The following RERE variants were observed in gnomAD, a reference collection of about 807,000 sequenced individuals.
The protein encoded by RERE is arginine-glutamic acid dipeptide repeats.
RERE carries 40 observed loss-of-function variants against 146.1 expected under a neutral mutation model. The ratio of observed to expected loss-of-function variants is 0.27; its 90% CI spans 0.21 to 0.36. RERE has a LOEUF of 0.36. RERE is among the 10% of genes least tolerant of loss of function. The probability of loss-of-function intolerance (pLI) is 1.00; values close to 1 mark genes in which losing one functional copy is unlikely to be tolerated. For synonymous variants in RERE, 1,003 were observed against 866.0 expected (o/e 1.16, Z -2.78); for missense variants, 1,933 against 2,138.7 (o/e 0.90, Z 1.90).
At chr1:8,705,897 A>G (rs1421900744) in intron 1 of RERE, among the ~76,000 whole-genome samples, 2 of 152,094 alleles carry the variant, frequency 1.3e-5, no homozygotes, top group Non-Finnish European at 2.9e-5. Context: ...TGGGCAGATC[A>G]TGAGGTCAGG....
intron 7 of RERE, among the ~76,000 whole-genome samples, chr1:8,537,491 CCATCAAATA>C (rs1177734125): frequency 6.6e-6 from 1 of 152,058 alleles, no homozygotes; most frequent in Non-Finnish European, 1.5e-5. Context: ...TTAGGTTCAG[CCATCAAATA>C]CATTTTGGCA....
intron 1 of RERE, among the ~76,000 whole-genome samples, chr1:8,704,989 C>T (rs534360283): frequency 1.3e-5 from 2 of 152,306 alleles, no homozygotes; most frequent in African/African-American, 4.8e-5. Flanking sequence ...GAGATTACTC[C>T]ATATATGTCA....
intron 10 of RERE, among the ~76,000 whole-genome samples, chr1:8,488,982 T>C (rs1023645786): frequency 2.0e-5 from 3 of 152,068 alleles, no homozygotes; most frequent in African/African-American, 7.2e-5. Context: ...TAATCAGAGA[T>C]AGTACCATAA....
At chr1:8,358,172 C>A in intron 20 of RERE, 24 bp downstream of exon 20, 1 of 1,568,206 alleles carries the variant, frequency 6.4e-7, no homozygotes, top group Non-Finnish European at 8.7e-7. Context: ...GCCTCTGTCC[C>A]ACCTGCCACG....
intron 3 of RERE, among the ~76,000 whole-genome samples, chr1:8,623,316 TG>T (rs1280030291): frequency 1.3e-5 from 2 of 152,114 alleles, no homozygotes; most frequent in Non-Finnish European, 1.5e-5. Flanking sequence ...CCGGTTGTAC[TG>T]GCACGCACCT....
chr1:8,541,888 G>C (rs1340598134), intron 6 of RERE, among the ~76,000 whole-genome samples: 1 of 151,982 alleles, frequency 6.6e-6, no homozygotes, highest in Non-Finnish European at 1.5e-5. Context: ...CAATATACAA[G>C]GAGTTTTCAA....
chr1:8,421,306 A>G (rs1570200249), intron 12 of RERE, among the ~76,000 whole-genome samples: 1 of 152,216 alleles, frequency 6.6e-6, no homozygotes, highest in Admixed American at 6.5e-5. Context: ...TAATCATATC[A>G]AACTTCAAGT....
At chr1:8,387,350 G>A (rs1390939440) in intron 12 of RERE, among the ~76,000 whole-genome samples, 1 of 152,056 alleles carries the variant, frequency 6.6e-6, no homozygotes, top group African/African-American at 2.4e-5. Flanking sequence ...AATACGAAAA[G>A]CAAAATTATA....
chr1:8,559,280 C>CAAAAAAAAAAAAAAAAAAAAAAAAAAAAA (rs548075266), intron 4 of RERE, among the ~76,000 whole-genome samples: 18 of 12,074 alleles, frequency 1.5e-3, no homozygotes, highest in East Asian at 0.014. Context: ...AACTCCAGCT[C>CAAAAAAAAAAAAAAAAAAAAAAAAAAAAA]AAAAAAAAAA....
rs114223298 is a variant in RERE, at chr1:8,357,381, G to A, written c.4339+815C>T. 8.3e-3 allele frequency among the ~76,000 whole-genome samples: 1,268 copies of A among 152,318 alleles called. 14 individuals are homozygous for A. The highest frequency in any genetic ancestry group is 0.029 in the African/African-American group (1,207 of 41,570). ...CTCCCATGTCAGGACTGGGTACAGG[G>A]GCAGGGGAGGCGCCTGGTGCCTCCA... On this transcript the variant is annotated intron_variant, in intron 20 of 22. Coordinates refer to ENST00000400908, the MANE Select transcript of RERE (RefSeq NM_001042681.2).
chr1:8,789,470 C>T (rs1429434184), intron 1 of RERE, among the ~76,000 whole-genome samples: 1 of 151,346 alleles, frequency 6.6e-6, no homozygotes, highest in Non-Finnish European at 1.5e-5. Context: ...AATTTTAACA[C>T]GTCACACAGA....
intron 4 of RERE, among the ~76,000 whole-genome samples, chr1:8,572,161 T>C (rs533041148): frequency 6.6e-6 from 1 of 152,356 alleles, no homozygotes; most frequent in South Asian, 2.1e-4. Context: ...TAAAATTAAC[T>C]TATTTTGTTT....
chr1:8,446,564 T>C (rs1239769619), intron 11 of RERE, among the ~76,000 whole-genome samples: 2 of 152,232 alleles, frequency 1.3e-5, no homozygotes, highest in Non-Finnish European at 2.9e-5. Context: ...CTGGTTAATA[T>C]CCCGAAGAGT....
intron 2 of RERE, among the ~76,000 whole-genome samples, chr1:8,635,953 TTATCTTATC>T (rs1557448238): frequency 0.017 from 709 of 41,608 alleles, 4 homozygotes; most frequent in African/African-American, 0.037. Flanking sequence ...TTATTTTATC[TTATCTTATC>T]TTATCTTATC....
At chr1:8,674,009 G>A (rs527706995) in intron 1 of RERE, among the ~76,000 whole-genome samples, 2 of 151,836 alleles carry the variant, frequency 1.3e-5, no homozygotes, top group African/African-American at 2.4e-5. Flanking sequence ...CTCCAGCCTG[G>A]GCAACAGAAT....
chr1:8,746,326 A>T (rs1640419858), intron 1 of RERE, among the ~76,000 whole-genome samples: 1 of 152,154 alleles, frequency 6.6e-6, no homozygotes, highest in Non-Finnish European at 1.5e-5. Context: ...TGGGGACCTA[A>T]TAACATGTAG....
At chr1:8,562,152 T>G (rs557933213) in intron 4 of RERE, among the ~76,000 whole-genome samples, 1 of 152,136 alleles carries the variant, frequency 6.6e-6, no homozygotes, top group Non-Finnish European at 1.5e-5. Flanking sequence ...GCAGCAAAGA[T>G]AGAGAGAAAA....
chr1:8,558,154 G>C (rs1341340816), intron 4 of RERE, among the ~76,000 whole-genome samples: 6 of 152,136 alleles, frequency 3.9e-5, no homozygotes, highest in Non-Finnish European at 7.4e-5. Context: ...CCAGATAATA[G>C]AACATCTTGT....
intron 1 of RERE, among the ~76,000 whole-genome samples, chr1:8,765,396 C>A (rs1484003463): frequency 6.6e-6 from 1 of 152,142 alleles, no homozygotes; most frequent in African/African-American, 2.4e-5. Flanking sequence ...TTCTTCTGGG[C>A]ATAATTAAAT....
Sources: allele counts gnomAD v4.1 joint callset (sites outside exome capture counted in the v4.1 genomes callset), GRCh38; gene constraint gnomAD v4.1.1; transcripts MANE v1.5; gene names NCBI Gene and HGNC (gene_info 2026-07-23, HGNC 2026-07-21).